Variants in FHIP1A observed in about 807,000 individuals in gnomAD.
The protein encoded by FHIP1A is FHF complex subunit HOOK interacting protein 1A.
Under a neutral mutation model 88.6 loss-of-function variants are expected in FHIP1A, and 61 were observed. The ratio of observed to expected loss-of-function variants is 0.69; its 90% CI spans 0.56 to 0.85. The LOEUF (loss-of-function observed/expected upper bound fraction) is 0.85. Among genes scored for constraint, FHIP1A ranks in the 40% least tolerant of loss-of-function variants. The pLI, the probability that FHIP1A is intolerant of heterozygous loss-of-function variation, is 0.00. For synonymous variants in FHIP1A, 478 were observed against 496.0 expected (o/e 0.96, Z 0.48); for missense variants, 1,154 against 1,273.5 (o/e 0.91, Z 1.43).
intron 1 of FHIP1A, among the ~76,000 whole-genome samples, chr4:151,434,777 G>A (rs962157376): frequency 6.6e-6 from 1 of 152,174 alleles, no homozygotes; most frequent in Non-Finnish European, 1.5e-5. Context: ...TCAGAACACT[G>A]TGTAGTATTA....
At chr4:151,433,788 T>C (rs912896823) in intron 1 of FHIP1A, among the ~76,000 whole-genome samples, 2 of 152,198 alleles carry the variant, frequency 1.3e-5, no homozygotes, top group Non-Finnish European at 2.9e-5. Flanking sequence ...ATTAGACTCG[T>C]AGCCCTTTAG....
chr4:151,644,870 G>T (rs753750666), intron 9 of FHIP1A, among the ~76,000 whole-genome samples: 41 of 152,286 alleles, frequency 2.7e-4, no homozygotes, highest in Non-Finnish European at 4.0e-4. Flanking sequence ...CTGGGGTCCA[G>T]CTATGCTTTG....
At chr4:151,428,689 C>G (rs1278257019) in intron 1 of FHIP1A, among the ~76,000 whole-genome samples, 3 of 152,180 alleles carry the variant, frequency 2.0e-5, no homozygotes, top group Non-Finnish European at 4.4e-5. Flanking sequence ...ACTGTCTTTC[C>G]AGTCTCATCT....
At chr4:151,509,479 C>T (rs935519036) in intron 3 of FHIP1A, among the ~76,000 whole-genome samples, 2 of 152,132 alleles carry the variant, frequency 1.3e-5, no homozygotes. Flanking sequence ...TCTTTACCTT[C>T]CTGGGGTAGT....
chr4:151,531,498 T>C (rs1731876002), intron 3 of FHIP1A, among the ~76,000 whole-genome samples: 1 of 119,804 alleles, frequency 8.3e-6, no homozygotes, highest in Non-Finnish European at 1.8e-5. Flanking sequence ...CATTTTCTTT[T>C]TTCTTCTTTT....
intron 3 of FHIP1A, among the ~76,000 whole-genome samples, chr4:151,541,210 A>T (rs578143549): frequency 6.6e-6 from 1 of 152,338 alleles, no homozygotes; most frequent in African/African-American, 2.4e-5. Flanking sequence ...ACCCAGGAAT[A>T]TTTGTTGAAT....
chr4:151,579,328 G>A (rs965635106), intron 5 of FHIP1A, among the ~76,000 whole-genome samples: 1 of 152,102 alleles, frequency 6.6e-6, no homozygotes, highest in African/African-American at 2.4e-5. Flanking sequence ...TTGATAATCC[G>A]GGAGGCTGTG....
intron 3 of FHIP1A, among the ~76,000 whole-genome samples, chr4:151,502,959 A>G (rs562899698): frequency 7.4e-4 from 112 of 152,260 alleles, no homozygotes; most frequent in African/African-American, 2.6e-3. Flanking sequence ...CATTAACTTC[A>G]TATTCTTCTT....
intron 7 of FHIP1A, among the ~76,000 whole-genome samples, chr4:151,619,882 TC>T (rs1735671090): frequency 6.6e-6 from 1 of 152,190 alleles, no homozygotes; most frequent in Non-Finnish European, 1.5e-5. Context: ...CCTTTAATGA[TC>T]CTTTCATATT....
intron 2 of FHIP1A, among the ~76,000 whole-genome samples, chr4:151,476,110 T>C (rs1729690414): frequency 6.6e-6 from 1 of 151,620 alleles, no homozygotes. Context: ...TTCGCCTGCC[T>C]TGGCCTCCCA....
intron 1 of FHIP1A, among the ~76,000 whole-genome samples, chr4:151,414,962 A>G (rs1429543250): frequency 6.6e-6 from 1 of 152,170 alleles, no homozygotes; most frequent in Non-Finnish European, 1.5e-5. Context: ...TGCTATAAAT[A>G]GATATATTTC....
At chr4:151,570,828 T>TA (rs1221049608) in intron 4 of FHIP1A, among the ~76,000 whole-genome samples, 1 of 152,198 alleles carries the variant, frequency 6.6e-6, no homozygotes, top group African/African-American at 2.4e-5. Context: ...GCTTTCAACA[T>TA]ACACTAATTT....
At chr4:151,645,081 A>G (rs1379738185) in intron 9 of FHIP1A, among the ~76,000 whole-genome samples, 1 of 152,164 alleles carries the variant, frequency 6.6e-6, no homozygotes, top group African/African-American at 2.4e-5. Flanking sequence ...CCTGTTCCAT[A>G]CTTTCCTTTT....
chr4:151,516,314 A>G (rs1005593623), intron 3 of FHIP1A, among the ~76,000 whole-genome samples: 2 of 151,958 alleles, frequency 1.3e-5, no homozygotes, highest in African/African-American at 4.8e-5. Context: ...GATGGATTAA[A>G]GACTTAAACG....
In FHIP1A at chr4:151,650,080, A is replaced by G. The variant is rs1198769842; in HGVS notation, c.2039A>G (p.Asn680Ser). ...GCTGAAGTTCAGAGTGTCCCCATCA[A>G]CAACGGCCCCCTCCTCAGCACCCAG... ...AQAEVQSVPI[N>S]NGPLLSTQPE... Residue 680 changes from asparagine to serine, a missense_variant, in exon 11 of 14, where the codon AAC (asparagine) becomes AGC (serine). Physicochemically the swap from Asn to Ser is conservative, Grantham distance 46. Coordinates refer to ENST00000435205, the MANE Select transcript of FHIP1A (RefSeq NM_001109977.3). The G allele has an allele frequency of 6.4e-7, 1 of 1,551,582 alleles. No individual in the cohort carries two copies. Among genetic ancestry groups the G allele is most frequent in the African/African-American group, 1.4e-5 (1 of 73,046 alleles).
chr4:151,415,004 A>G (rs529175736), intron 1 of FHIP1A, among the ~76,000 whole-genome samples: 61 of 152,124 alleles, frequency 4.0e-4, no homozygotes, highest in Non-Finnish European at 7.2e-4. Context: ...AAAAATGTTT[A>G]TTATTAACGT....
At chr4:151,462,495 A>G (rs1439565727) in intron 2 of FHIP1A, among the ~76,000 whole-genome samples, 1 of 152,208 alleles carries the variant, frequency 6.6e-6, no homozygotes, top group Non-Finnish European at 1.5e-5. Flanking sequence ...TTATATATTT[A>G]CATTCAAAAG....
intron 3 of FHIP1A, among the ~76,000 whole-genome samples, chr4:151,532,793 G>A (rs766640131): frequency 3.2e-4 from 48 of 152,256 alleles, no homozygotes; most frequent in African/African-American, 1.0e-3. Context: ...GAGTCATGGC[G>A]GGAGGTGAAA....
At chr4:151,536,306 C>T (rs1732066052) in intron 3 of FHIP1A, among the ~76,000 whole-genome samples, 6 of 152,194 alleles carry the variant, frequency 3.9e-5, no homozygotes. Context: ...TACTTGTGCT[C>T]TTTGTGTGTG....
Sources: allele counts gnomAD v4.1 joint callset (sites outside exome capture counted in the v4.1 genomes callset), GRCh38; gene constraint gnomAD v4.1.1; transcripts MANE v1.5; gene names NCBI Gene and HGNC (gene_info 2026-07-23, HGNC 2026-07-21).